ALK: variants seen among roughly 807,000 people sequenced by gnomAD.
ALK encodes ALK tyrosine kinase receptor.
A neutral mutation model predicts 163.1 loss-of-function variants in ALK; 74 were observed. The ratio of observed to expected loss-of-function variants is 0.45; its 90% CI spans 0.38 to 0.55. The LOEUF (loss-of-function observed/expected upper bound fraction) is 0.55, where lower values mean the gene tolerates loss of function less well. ALK is among the 20% of genes least tolerant of loss of function. The probability of loss-of-function intolerance (pLI) is 0.00; values close to 1 mark genes in which losing one functional copy is unlikely to be tolerated. For synonymous variants in ALK, 960 were observed against 843.2 expected (o/e 1.14, Z -2.40); for missense variants, 2,063 against 2,105.3 (o/e 0.98, Z 0.39).
intron 1 of ALK, among the ~76,000 whole-genome samples, chr2:29,882,955 C>A (rs1451986321): frequency 6.6e-6 from 1 of 152,092 alleles, no homozygotes; most frequent in Non-Finnish European, 1.5e-5. Context: ...CTACCTATTA[C>A]TCTAATGTTT....
intron 4 of ALK, among the ~76,000 whole-genome samples, chr2:29,485,433 T>C (rs965487758): frequency 3.3e-5 from 5 of 152,262 alleles, no homozygotes; most frequent in Admixed American, 6.5e-5. Flanking sequence ...TCTCATTTCA[T>C]TTCAGCCTGA....
chr2:29,253,089 C>A (rs938771474), intron 11 of ALK, among the ~76,000 whole-genome samples: 1 of 152,112 alleles, frequency 6.6e-6, no homozygotes, highest in Non-Finnish European at 1.5e-5. Context: ...AAGTCCTGAG[C>A]TCAAGCGATC....
chr2:29,282,892 A>G (rs548971839), intron 9 of ALK, among the ~76,000 whole-genome samples: 2 of 152,320 alleles, frequency 1.3e-5, no homozygotes, highest in South Asian at 4.1e-4. Flanking sequence ...TGTGTCACCA[A>G]CTGGAAAGGC....
At chr2:29,491,242 T>C (rs546693756) in intron 4 of ALK, among the ~76,000 whole-genome samples, 2 of 152,338 alleles carry the variant, frequency 1.3e-5, no homozygotes, top group African/African-American at 4.8e-5. Context: ...TAGTCAGATA[T>C]GGAGTGTGGG....
Position 29,479,869 on chromosome 2 carries a change from C to A in ALK, c.1154+52046G>T, listed in dbSNP as rs181210462. 1.7e-3 allele frequency among the ~76,000 whole-genome samples: 256 copies of A among 152,286 alleles called. 1 individual carries two copies. Among genetic ancestry groups the A allele is most frequent in the East Asian group, 1.7e-3 (9 of 5,176 alleles). On this transcript the variant is annotated intron_variant, in intron 4 of 28. Transcript: ENST00000389048. Reference sequence around the variant, plus strand: ...CAGGGGTGGAAAGGATAGGTTCAGACTGGGAAAAGGACATGAGAGTCTTGA... The same window carrying A: ...CAGGGGTGGAAAGGATAGGTTCAGAATGGGAAAAGGACATGAGAGTCTTGA...
At chr2:29,892,579 T>C (rs1005113362) in intron 1 of ALK, among the ~76,000 whole-genome samples, 2 of 152,134 alleles carry the variant, frequency 1.3e-5, no homozygotes, top group African/African-American at 4.8e-5. Context: ...ACCCTCACAA[T>C]GAGCAATTAT....
At chr2:29,509,031 T>G (rs925842311) in intron 4 of ALK, among the ~76,000 whole-genome samples, 6 of 152,170 alleles carry the variant, frequency 3.9e-5, no homozygotes, top group African/African-American at 1.4e-4. Flanking sequence ...TGTGCAGGTA[T>G]GCCCATCTGT....
chr2:29,221,523 G>T (rs1669803688), intron 22 of ALK, among the ~76,000 whole-genome samples: 1 of 151,980 alleles, frequency 6.6e-6, no homozygotes, highest in Non-Finnish European at 1.5e-5. Context: ...CAAGTAGTGA[G>T]ATTTGAGTGA....
chr2:29,831,991 T>C (rs1456797340), intron 1 of ALK, among the ~76,000 whole-genome samples: 2 of 152,194 alleles, frequency 1.3e-5, no homozygotes, highest in South Asian at 2.1e-4. Flanking sequence ...AAGATCTCAG[T>C]ATACTGAATA....
chr2:29,580,818 G>A (rs931201323), intron 3 of ALK, among the ~76,000 whole-genome samples: 3 of 152,218 alleles, frequency 2.0e-5, no homozygotes, highest in Non-Finnish European at 4.4e-5. Flanking sequence ...AGGGGCTGAC[G>A]CTTATGCCAC....
At chr2:29,631,497 C>T (rs1261113662) in intron 3 of ALK, among the ~76,000 whole-genome samples, 1 of 152,240 alleles carries the variant, frequency 6.6e-6, no homozygotes, top group Non-Finnish European at 1.5e-5. Flanking sequence ...CCTGCAGCAG[C>T]TGGCAGGGCT....
intron 3 of ALK, among the ~76,000 whole-genome samples, chr2:29,648,842 G>T (rs1475116563): frequency 6.6e-6 from 1 of 151,944 alleles, no homozygotes; most frequent in East Asian, 1.9e-4. Context: ...TTTAAGTAAG[G>T]ATGCACAACA....
intron 1 of ALK, among the ~76,000 whole-genome samples, chr2:29,781,334 T>A (rs1464466996): frequency 6.6e-6 from 1 of 152,164 alleles, no homozygotes; most frequent in African/African-American, 2.4e-5. Context: ...CACAAATCTC[T>A]GTATTCCAGA....
At chr2:29,209,173 A>C (rs1669395399) in intron 25 of ALK, among the ~76,000 whole-genome samples, 1 of 152,200 alleles carries the variant, frequency 6.6e-6, no homozygotes, top group African/African-American at 2.4e-5. Flanking sequence ...GTCTTTCCAC[A>C]TCAAGTATCC....
chr2:29,506,823 A>G (rs1672340478), intron 4 of ALK, among the ~76,000 whole-genome samples: 1 of 152,170 alleles, frequency 6.6e-6, no homozygotes, highest in South Asian at 2.1e-4. Flanking sequence ...TGGGTGGGAC[A>G]CTGGGGAATG....
At chr2:29,278,589 C>G (rs956592999) in intron 9 of ALK, among the ~76,000 whole-genome samples, 2 of 152,224 alleles carry the variant, frequency 1.3e-5, no homozygotes, top group Non-Finnish European at 2.9e-5. Flanking sequence ...CTGGCTTGAG[C>G]CTCTGTAACC....
intron 4 of ALK, among the ~76,000 whole-genome samples, chr2:29,491,444 C>T (rs1671896975): frequency 6.6e-6 from 1 of 152,196 alleles, no homozygotes. Flanking sequence ...CTATCCCATG[C>T]AACTATGTAT....
intron 2 of ALK, among the ~76,000 whole-genome samples, chr2:29,705,836 G>T (rs1178271636): frequency 6.6e-6 from 1 of 152,184 alleles, no homozygotes; most frequent in African/African-American, 2.4e-5. Flanking sequence ...GCGCGTCATT[G>T]CTGTTACTCT....
chr2:29,369,697 G>A (rs780942285), intron 5 of ALK, among the ~76,000 whole-genome samples: 2 of 152,186 alleles, frequency 1.3e-5, no homozygotes, highest in Non-Finnish European at 2.9e-5. Flanking sequence ...CAAGCAAAAA[G>A]ACAAAGATAT....
Sources: gnomAD v4.1 joint callset for allele counts (sites outside exome capture counted in the v4.1 genomes callset) on GRCh38, gnomAD v4.1.1 for gene constraint, MANE v1.5 for transcripts, NCBI Gene and HGNC (gene_info 2026-07-23, HGNC 2026-07-21) for gene names.